Variants in DGKI observed in about 807,000 individuals in gnomAD.
DGKI encodes DAG kinase iota.
In DGKI, 55 loss-of-function variants were observed where a neutral mutation model predicts 147.5. That is an observed-to-expected ratio of 0.37 (90% CI 0.30 to 0.47). The LOEUF (loss-of-function observed/expected upper bound fraction) is 0.47. Among genes scored for constraint, DGKI ranks in the 20% least tolerant of loss-of-function variants. The pLI, the probability that DGKI is intolerant of heterozygous loss-of-function variation, is 1.00. For missense variants in DGKI, 1,007 were observed against 1,323.8 expected (o/e 0.76, Z 3.71); for synonymous variants, 469 against 477.1 (o/e 0.98, Z 0.22).
intron 1 of DGKI, among the ~76,000 whole-genome samples, chr7:137,745,631 C>G (rs908977458): frequency 2.0e-4 from 31 of 152,092 alleles, no homozygotes; most frequent in Non-Finnish European, 3.8e-4. Flanking sequence ...CCACAATATC[C>G]CAGTGCTTGT....
At chr7:137,499,159 T>A (rs1403276491) in intron 21 of DGKI, among the ~76,000 whole-genome samples, 1 of 152,198 alleles carries the variant, frequency 6.6e-6, no homozygotes, top group Non-Finnish European at 1.5e-5. Flanking sequence ...TAGGGATGCA[T>A]ACGTTGGTGG....
chr7:137,804,311 GAA>G lies in DGKI; in HGVS notation c.401+42149_401+42150del, dbSNP rs369660504. 1.6e-3 allele frequency among the ~76,000 whole-genome samples: 240 copies of G among 152,212 alleles called. 1 individual carries two copies. Among genetic ancestry groups the G allele is most frequent in the African/African-American group, 5.7e-3 (235 of 41,540 alleles). ...AGAAAATTACCACTTTACAATTATT[GAA>G]AAGAGATCCTACAAGAAAGCACTCA... On this transcript the variant is annotated intron_variant, in intron 1 of 32. Transcript: ENST00000614521.
intron 28 of DGKI, among the ~76,000 whole-genome samples, chr7:137,426,287 T>G (rs1291197206): frequency 6.6e-6 from 1 of 152,106 alleles, no homozygotes; most frequent in Non-Finnish European, 1.5e-5. Context: ...GAATTTCATA[T>G]CCAGCCAAAC....
Position 137,468,753 on chromosome 7 carries a change from C to T in DGKI, c.2443+797G>A, listed in dbSNP as rs541717604. Among the ~76,000 whole-genome samples the T allele has an allele frequency of 2.0e-5, 3 of 152,294 alleles. No individual in the cohort carries two copies. In the South Asian group the frequency reaches 6.2e-4, roughly 32 times the overall value. ...AAATCTTAATAGATCTCTGCTGCTG[C>T]CATCCCAATGCTTGCTCATACACTC... On this transcript the variant is annotated intron_variant, in intron 24 of 32. Transcript: ENST00000614521.
chr7:137,406,701 T>A (rs977515215), intron 30 of DGKI, among the ~76,000 whole-genome samples: 2 of 152,224 alleles, frequency 1.3e-5, no homozygotes, highest in Admixed American at 6.5e-5. Context: ...AGCTATGTTA[T>A]CTATCTGTGG....
intron 3 of DGKI, among the ~76,000 whole-genome samples, chr7:137,667,960 C>A (rs1194493920): frequency 6.6e-6 from 1 of 152,190 alleles, no homozygotes; most frequent in Non-Finnish European, 1.5e-5. Flanking sequence ...ACAGAGCTCA[C>A]TTCTGCCATG....
At chr7:137,566,575 T>A (rs1014442622) in intron 19 of DGKI, among the ~76,000 whole-genome samples, 4 of 152,210 alleles carry the variant, frequency 2.6e-5, no homozygotes, top group African/African-American at 9.6e-5. Context: ...GATTCAATCA[T>A]GCATTTGATG....
At chr7:137,802,730 A>G (rs1797253198) in intron 1 of DGKI, among the ~76,000 whole-genome samples, 1 of 152,146 alleles carries the variant, frequency 6.6e-6, no homozygotes, top group Non-Finnish European at 1.5e-5. Flanking sequence ...TTCCTCTCCT[A>G]CCGGCCTCTC....
chr7:137,799,997 A>C (rs1797145269), intron 1 of DGKI, among the ~76,000 whole-genome samples: 1 of 152,184 alleles, frequency 6.6e-6, no homozygotes, highest in East Asian at 1.9e-4. Context: ...CAACTGTTAG[A>C]AATAAAACAG....
At chr7:137,686,369 T>G (rs962921182) in intron 2 of DGKI, among the ~76,000 whole-genome samples, 10 of 152,110 alleles carry the variant, frequency 6.6e-5, no homozygotes, top group Non-Finnish European at 1.3e-4. Flanking sequence ...TGAAGACTGA[T>G]CCAGATACTC....
chr7:137,601,906 C>T (rs1049899337), intron 10 of DGKI, among the ~76,000 whole-genome samples: 7 of 152,092 alleles, frequency 4.6e-5, no homozygotes, highest in Admixed American at 2.0e-4. Flanking sequence ...TTAGGAATCA[C>T]GTTCTATCTA....
intron 31 of DGKI, 91 bp downstream of exon 31, chr7:137,397,286 T>C (rs1811587700): frequency 8.1e-7 from 1 of 1,234,220 alleles, no homozygotes; most frequent in African/African-American, 1.5e-5. Flanking sequence ...TAAGTTAAAA[T>C]TACCTATGAT....
chr7:137,572,972 G>C, intron 17 of DGKI, 134 bp from the exon 18 acceptor site: 1 of 588,922 alleles, frequency 1.7e-6, no homozygotes, highest in South Asian at 2.9e-5. Context: ...GTGAATGCCG[G>C]TCACAGTGAT....
chr7:137,691,043 G>A (rs943931490), intron 1 of DGKI, among the ~76,000 whole-genome samples: 1 of 152,138 alleles, frequency 6.6e-6, no homozygotes, highest in Non-Finnish European at 1.5e-5. Context: ...TAATATCTAA[G>A]TGTGGTCTGA....
intron 23 of DGKI, among the ~76,000 whole-genome samples, chr7:137,477,246 A>G (rs973125678): frequency 2.0e-5 from 3 of 152,164 alleles, no homozygotes; most frequent in Non-Finnish European, 2.9e-5. Flanking sequence ...CCCAACCCAG[A>G]CACAGGAACC....
rs1275088408 is a variant in DGKI at position 137,384,608 on chromosome 7, A to G, written c.*6612T>C. 2.0e-5 allele frequency: 3 copies of G among 152,078 alleles called. No homozygotes were observed. The highest frequency in any genetic ancestry group is 4.4e-5 in the Non-Finnish European group (3 of 67,972). The allele number at this position is 152,078 out of a possible 1,614,324, so 9.4% of individuals were successfully genotyped here. The stretch of plus-strand genomic sequence containing the variant: ...GCTCTGAGATTCAGTGCATTCATCT[A>G]AAATGTATTATATGCATTATTCACC... On this transcript the variant is annotated 3_prime_UTR_variant, in exon 33 of 33. Coordinates refer to ENST00000614521, the MANE Select transcript of DGKI (RefSeq NM_001321708.2).
rs773052853 is a variant in DGKI, at chr7:137,683,370, T to G, written c.511-4718A>C. ...TCCTTGTCACTCTTTTTGTTTGTGT[T>G]TGTTTGTTTGTTTGTTTGTTTTTGA... On this transcript the variant is annotated intron_variant, in intron 2 of 32. Transcript: ENST00000614521. Among the ~76,000 whole-genome samples the G allele has an allele frequency of 2.6e-4, 40 of 151,256 alleles. 1 individual carries two copies. Among genetic ancestry groups the G allele is most frequent in the Non-Finnish European group, 7.4e-5 (5 of 67,840 alleles).
At chr7:137,581,697 C>T (rs115047426) in intron 15 of DGKI, among the ~76,000 whole-genome samples, 153 bp downstream of exon 15, 103 of 152,206 alleles carry the variant, frequency 6.8e-4, no homozygotes, top group African/African-American at 2.3e-3. Flanking sequence ...AAGTTCCTGT[C>T]CTGTCTAGCT....
chr7:137,463,766 CATTT>C (rs1242274087), intron 26 of DGKI, among the ~76,000 whole-genome samples, 155 bp from the exon 27 acceptor site: 40 of 152,324 alleles, frequency 2.6e-4, no homozygotes, highest in Non-Finnish European at 4.4e-5. Context: ...TTATTTCATT[CATTT>C]ATCTCAACAA....
Sources: allele counts gnomAD v4.1 joint callset (sites outside exome capture counted in the v4.1 genomes callset), GRCh38; gene constraint gnomAD v4.1.1; transcripts MANE v1.5; gene names NCBI Gene and HGNC (gene_info 2026-07-23, HGNC 2026-07-21).